MYO9A: variants seen among roughly 807,000 people sequenced by gnomAD.
MYO9A encodes myosin IXA.
A neutral mutation model predicts 293.3 loss-of-function variants in MYO9A; 103 were observed. That is an observed-to-expected ratio of 0.35 (90% CI 0.30 to 0.41). MYO9A has a LOEUF of 0.41. Among genes scored for constraint, MYO9A ranks in the 10% least tolerant of loss-of-function variants. The probability of loss-of-function intolerance (pLI) is 1.00; values close to 1 mark genes in which losing one functional copy is unlikely to be tolerated. For synonymous variants in MYO9A, 1,001 were observed against 1,035.7 expected (o/e 0.97, Z 0.64); for missense variants, 2,685 against 3,033.0 (o/e 0.89, Z 2.69).
chr15:71,939,776 T>C (rs2058728435), intron 15 of MYO9A, among the ~76,000 whole-genome samples: 1 of 152,212 alleles, frequency 6.6e-6, no homozygotes, highest in Non-Finnish European at 1.5e-5. Context: ...TCAATTTTTA[T>C]AACACACAAA....
chr15:71,951,427 AG>A (rs546665646), intron 15 of MYO9A, among the ~76,000 whole-genome samples: 9 of 146,622 alleles, frequency 6.1e-5, no homozygotes, highest in Non-Finnish European at 1.4e-4. Flanking sequence ...ACCTCAATAA[AG>A]TTTTTTTTGT....
chr15:71,872,365 T>G (rs1398723492), intron 32 of MYO9A, among the ~76,000 whole-genome samples: 4 of 152,166 alleles, frequency 2.6e-5, no homozygotes, highest in African/African-American at 4.8e-5. Flanking sequence ...TCCTTCTAAT[T>G]ATAAATCACA....
In MYO9A at chr15:72,019,036, G is replaced by T; in HGVS notation, c.1155+3C>A. 6.2e-7 allele frequency: 1 copy of T among 1,613,104 alleles called. No individual in the cohort carries two copies. Among genetic ancestry groups the T allele is most frequent in the South Asian group, 1.1e-5 (1 of 91,008 alleles). On this transcript the variant is annotated splice_donor_region_variant and intron_variant, in intron 6 of 41. Coordinates refer to ENST00000356056, the MANE Select transcript of MYO9A (RefSeq NM_006901.4). The stretch of plus-strand genomic sequence containing the variant: ...CACAGAATATTTAGGTACTTGTACT[G>T]ACCGGCTCAGAGTCATAGCAATAAT...
At chr15:72,011,010 T>C (rs1291426971) in intron 6 of MYO9A, among the ~76,000 whole-genome samples, 3 of 151,858 alleles carry the variant, frequency 2.0e-5, no homozygotes, top group Non-Finnish European at 4.4e-5. Context: ...TATATAGATA[T>C]GTTATTTTTT....
At chr15:72,077,079 C>A (rs1055023905) in intron 1 of MYO9A, among the ~76,000 whole-genome samples, 1 of 151,054 alleles carries the variant, frequency 6.6e-6, no homozygotes, top group Admixed American at 6.6e-5. Context: ...AAAATTAACT[C>A]AAAATGGATC....
chr15:71,887,171 A>G (rs1382001960), intron 27 of MYO9A, among the ~76,000 whole-genome samples: 3 of 152,096 alleles, frequency 2.0e-5, no homozygotes, highest in African/African-American at 7.2e-5. Flanking sequence ...ACCTATTTTC[A>G]ATCTTATTTA....
At position 71,824,884 on chromosome 15, in the gene MYO9A, G is replaced by A. The variant is rs2054406621; in HGVS notation, c.*1696C>T. 1 of 152,142 alleles carries A rather than the reference G, an allele frequency of 6.6e-6. No homozygotes were observed. Among genetic ancestry groups the A allele is most frequent in the Non-Finnish European group, 1.5e-5 (1 of 68,026 alleles). The allele number at this position is 152,142 out of a possible 1,614,324, so 9.4% of individuals were successfully genotyped here. A position where few individuals can be genotyped will look rare whatever the true frequency, so the allele number is the denominator to read the frequency against. ...TCTGGGGCTGGCCAATAACCACTGA[G>A]GCAGTGGCGTGAGGTTCAGTGTTGT... On this transcript the variant is annotated 3_prime_UTR_variant, in exon 42 of 42. Transcript: ENST00000356056.
intron 2 of MYO9A, among the ~76,000 whole-genome samples, chr15:72,034,686 A>G (rs1462038993): frequency 6.6e-6 from 1 of 152,248 alleles, no homozygotes. Flanking sequence ...AAACAAACAG[A>G]AACATACATT....
In MYO9A at chr15:71,999,928, T is replaced by A; in HGVS notation, c.1393A>T (p.Met465Leu). Reference protein sequence around the residue: ...VSELLEVKEEMLFEALVTRKT... With the variant: ...VSELLEVKEELLFEALVTRKT... The stretch of plus-strand genomic sequence containing the variant: ...CTTGTAACTAATGCTTCAAATAGCA[T>A]CTCTTCTTTAACCTATAAAACAGAA... The change falls in exon 9 of 42, where the codon ATG becomes TTG. Residue 465 changes from methionine (M) to leucine (L), a missense_variant. Physicochemically the swap from Met to Leu is conservative, Grantham distance 15. Coordinates refer to ENST00000356056, the MANE Select transcript of MYO9A (RefSeq NM_006901.4). The A allele has an allele frequency of 1.2e-6, 2 of 1,611,514 alleles. No individual in the cohort carries two copies. Among genetic ancestry groups the A allele is most frequent in the Non-Finnish European group, 1.7e-6 (2 of 1,178,892 alleles).
chr15:71,845,426 A>C (rs1332118322), intron 39 of MYO9A, among the ~76,000 whole-genome samples: 1 of 152,248 alleles, frequency 6.6e-6, no homozygotes, highest in Non-Finnish European at 1.5e-5. Flanking sequence ...AGTGGTTCTC[A>C]GAGTGTAGCC....
At chr15:72,022,456 G>T (rs1003362532) in intron 4 of MYO9A, among the ~76,000 whole-genome samples, 9 of 151,912 alleles carry the variant, frequency 5.9e-5, no homozygotes, top group Non-Finnish European at 2.9e-5. Flanking sequence ...AGGAGGCGGA[G>T]GTTGCAGTGA....
chr15:71,841,809 T>TGTTTTTTTTTG (rs2055172981), intron 39 of MYO9A, among the ~76,000 whole-genome samples: 2 of 144,124 alleles, frequency 1.4e-5, no homozygotes, highest in South Asian at 2.2e-4. Context: ...TTTTTTTTTT[T>TGTTTTTTTTTG]GTTTTTTTTG....
rs1220580487 is a variant in MYO9A, at chr15:71,824,144, C to T, written c.*2436G>A. On this transcript the variant is annotated 3_prime_UTR_variant, in exon 42 of 42. Coordinates refer to ENST00000356056, the MANE Select transcript of MYO9A (RefSeq NM_006901.4). ...GCTCTCTCCTCCTCACCCACCCACC[C>T]CAATCCTGGCAGATTAAATTACTAG... 6.6e-6 allele frequency: 1 copy of T among 152,176 alleles called. No homozygotes were observed. The highest frequency in any genetic ancestry group is 1.5e-5 in the Non-Finnish European group (1 of 68,034). 9.4% of individuals were successfully genotyped at this position (152,176 alleles called of 1,614,324 possible).
intron 9 of MYO9A, among the ~76,000 whole-genome samples, chr15:71,996,135 C>T (rs950508195): frequency 5.9e-5 from 9 of 151,812 alleles, no homozygotes; most frequent in Non-Finnish European, 1.3e-4. Flanking sequence ...AACAGAATAC[C>T]ACTGTATTTT....
intron 32 of MYO9A, among the ~76,000 whole-genome samples, chr15:71,867,354 G>A (rs1465383152): frequency 6.6e-6 from 1 of 152,064 alleles, no homozygotes; most frequent in East Asian, 1.9e-4. Flanking sequence ...TCTTAACTAT[G>A]ACTCAAAATT....
chr15:71,849,046 G>C, intron 38 of MYO9A, 78 bp from the exon 39 acceptor site: 1 of 1,352,750 alleles, frequency 7.4e-7, no homozygotes, highest in Non-Finnish European at 9.8e-7. Flanking sequence ...TGTTTTTGTG[G>C]TAGACAGTTG....
chr15:71,882,416 C>T (rs1156376790), intron 28 of MYO9A, among the ~76,000 whole-genome samples: 2 of 152,156 alleles, frequency 1.3e-5, no homozygotes, highest in Non-Finnish European at 2.9e-5. Context: ...GTTTTCTGAA[C>T]GATGAACTAA....
chr15:71,904,157 A>G (rs992709633), intron 20 of MYO9A, 118 bp from the exon 21 acceptor site: 5 of 785,154 alleles, frequency 6.4e-6, no homozygotes, highest in Non-Finnish European at 1.0e-5. Context: ...TCTGGTTAAC[A>G]TATACAGTAA....
chr15:72,051,217 A>G (rs1216722755), intron 1 of MYO9A, among the ~76,000 whole-genome samples: 1 of 152,154 alleles, frequency 6.6e-6, no homozygotes, highest in Non-Finnish European at 1.5e-5. Flanking sequence ...AGTGCATGCC[A>G]CCGATGGCAG....
Sources: gnomAD v4.1 joint callset for allele counts (sites outside exome capture counted in the v4.1 genomes callset) on GRCh38, gnomAD v4.1.1 for gene constraint, MANE v1.5 for transcripts, NCBI Gene and HGNC (gene_info 2026-07-23, HGNC 2026-07-21) for gene names.